Variants in SMURF1 observed in about 807,000 individuals in gnomAD.
SMURF1 encodes SMAD specific E3 ubiquitin protein ligase 1.
Under a neutral mutation model 98.0 loss-of-function variants are expected in SMURF1, and 44 were observed. That is an observed-to-expected ratio of 0.45 (90% CI 0.35 to 0.58). SMURF1 has a LOEUF of 0.58. Among genes scored for constraint, SMURF1 ranks in the 20% least tolerant of loss-of-function variants. SMURF1 has a pLI of 0.00. For synonymous variants in SMURF1, 396 were observed against 374.9 expected, an observed-to-expected ratio of 1.06 and a Z score of -0.65; for missense variants, 687 against 938.4, an observed-to-expected ratio of 0.73 and a Z score of 3.50.
chr7:99,032,961 C>T (rs1184093319), intron 17 of SMURF1, 76 bp downstream of exon 17: 3 of 1,466,782 alleles, frequency 2.0e-6, no homozygotes, highest in Admixed American at 2.1e-5. Context: ...CAAAAAAAAA[C>T]AACAAAAAAA....
intron 2 of SMURF1, among the ~76,000 whole-genome samples, chr7:99,061,290 G>A (rs1303479733): frequency 6.6e-6 from 1 of 152,224 alleles, no homozygotes; most frequent in Non-Finnish European, 1.5e-5. Context: ...ATCAGAAAGT[G>A]TGTGAAGAAT....
At chr7:99,102,993 AG>A (rs1797123054) in intron 1 of SMURF1, among the ~76,000 whole-genome samples, 1 of 151,762 alleles carries the variant, frequency 6.6e-6, no homozygotes, top group African/African-American at 2.4e-5. Context: ...TAGGGGAAAT[AG>A]GTTCTCACTA....
Position 99,051,374 on chromosome 7 carries a change from G to T in SMURF1, c.789C>A (p.His263Gln), listed in dbSNP as rs143544626. 3.1e-6 allele frequency: 5 copies of T among 1,613,928 alleles called. No individual in the cohort carries two copies. In the African/African-American group the frequency reaches 5.3e-5, roughly 17 times the overall value. ...LHTQTGVSTW[H>Q]DPRIPRDLNS... ...AGGCTTACCTTGGTATCCTGGGGTC[G>T]TGCCACGTGCTAACTCCAGTCTGTG... is the stretch of plus-strand genomic sequence containing the variant. Residue 263 changes from histidine to glutamine, a missense_variant, in exon 8 of 18, where the codon CAC becomes CAA. His to Gln is a conservative substitution (Grantham distance 24). Coordinates refer to ENST00000361368, the MANE Select transcript of SMURF1 (RefSeq NM_181349.3).
intron 7 of SMURF1, 124 bp downstream of exon 7, chr7:99,052,081 G>T (rs965951104): frequency 1.4e-5 from 19 of 1,347,424 alleles, no homozygotes; most frequent in Non-Finnish European, 1.7e-5. Flanking sequence ...GCTGCCGTGA[G>T]CCATGATCAT....
intron 1 of SMURF1, among the ~76,000 whole-genome samples, chr7:99,101,536 CAATA>C (rs1336358044): frequency 6.6e-6 from 1 of 152,144 alleles, no homozygotes; most frequent in Non-Finnish European, 1.5e-5. Flanking sequence ...AACTGAAACA[CAATA>C]AATAGATTTA....
At chr7:99,089,579 T>C (rs555646466) in intron 1 of SMURF1, among the ~76,000 whole-genome samples, 7 of 152,144 alleles carry the variant, frequency 4.6e-5, no homozygotes, top group Admixed American at 3.9e-4. Flanking sequence ...AGTTCCAGGC[T>C]GCAGTCAGCC....
intron 1 of SMURF1, among the ~76,000 whole-genome samples, chr7:99,062,051 T>C (rs531033431): frequency 2.6e-5 from 4 of 152,178 alleles, no homozygotes; most frequent in African/African-American, 9.6e-5. Context: ...TACAAAATGC[T>C]TTAAACTAAA....
At chr7:99,132,819 C>A (rs1354488226) in intron 1 of SMURF1, among the ~76,000 whole-genome samples, 1 of 151,976 alleles carries the variant, frequency 6.6e-6, no homozygotes, top group East Asian at 1.9e-4. Context: ...GGCACAGAGG[C>A]TGCCAGAGAG....
chr7:99,113,610 G>A (rs1421716825), intron 1 of SMURF1, among the ~76,000 whole-genome samples: 2 of 151,924 alleles, frequency 1.3e-5, no homozygotes, highest in African/African-American at 4.8e-5. Context: ...GGAGTCCAAG[G>A]CGGGCAGATC....
chr7:99,120,441 C>T (rs532066306), intron 1 of SMURF1, among the ~76,000 whole-genome samples: 2 of 152,118 alleles, frequency 1.3e-5, no homozygotes, highest in Non-Finnish European at 2.9e-5. Flanking sequence ...CTTGTTTCAC[C>T]CACACTCCCT....
intron 2 of SMURF1, among the ~76,000 whole-genome samples, chr7:99,060,980 T>C (rs1796022250): frequency 6.6e-6 from 1 of 152,168 alleles, no homozygotes; most frequent in South Asian, 2.1e-4. Flanking sequence ...AGTAATTGTA[T>C]TTAGACTTTC....
intron 15 of SMURF1, chr7:99,035,938 C>T (rs924845145): frequency 1.9e-5 from 11 of 573,952 alleles, no homozygotes; most frequent in Non-Finnish European, 2.8e-5. Context: ...CCAAGGACCG[C>T]GGTGCACAGC....
chr7:99,081,799 C>T (rs148677083), intron 1 of SMURF1, among the ~76,000 whole-genome samples: 2,411 of 152,224 alleles, frequency 0.016, 28 homozygotes, highest in Non-Finnish European at 0.025. Context: ...ATTACAGGCG[C>T]CTGCCACCAC....
At chr7:99,063,277 AT>A (rs1796102824) in intron 1 of SMURF1, among the ~76,000 whole-genome samples, 2 of 20,300 alleles carry the variant, frequency 9.9e-5, no homozygotes, top group Non-Finnish European at 2.2e-4. Flanking sequence ...ATATATATAT[AT>A]ATATATATAT....
At chr7:99,089,381 G>A (rs1392772960) in intron 1 of SMURF1, among the ~76,000 whole-genome samples, 1 of 152,002 alleles carries the variant, frequency 6.6e-6, no homozygotes. Context: ...GCTCACACCT[G>A]TAATCCCAGC....
At chr7:99,133,364 A>T (rs570906156) in intron 1 of SMURF1, among the ~76,000 whole-genome samples, 2 of 152,118 alleles carry the variant, frequency 1.3e-5, no homozygotes, top group African/African-American at 4.8e-5. Flanking sequence ...ATCTCCTGTG[A>T]ATCTATCATT....
At chr7:99,060,023 G>A (rs1179878311) in intron 3 of SMURF1, among the ~76,000 whole-genome samples, 1 of 151,960 alleles carries the variant, frequency 6.6e-6, no homozygotes, top group Admixed American at 6.6e-5. Context: ...TGCTAAAATG[G>A]CCAGGAGATT....
chr7:99,030,922 A>G, intron 17 of SMURF1: 1 of 387,854 alleles, frequency 2.6e-6, no homozygotes, highest in Non-Finnish European at 4.7e-6. Flanking sequence ...CTGCTCTCAA[A>G]CTCCTGGCCT....
intron 1 of SMURF1, among the ~76,000 whole-genome samples, chr7:99,128,738 G>A (rs924908425): frequency 2.6e-5 from 4 of 152,212 alleles, no homozygotes; most frequent in Non-Finnish European, 5.9e-5. Flanking sequence ...TCTGCCAATA[G>A]TTCGTGCTAC....
Sources: gnomAD v4.1 joint callset for allele counts (sites outside exome capture counted in the v4.1 genomes callset) on GRCh38, gnomAD v4.1.1 for gene constraint, MANE v1.5 for transcripts, NCBI Gene and HGNC (gene_info 2026-07-23, HGNC 2026-07-21) for gene names.